The following MACROD2 variants were observed in gnomAD, a reference collection of about 807,000 sequenced individuals.
MACROD2 encodes mono-ADP ribosylhydrolase 2.
Under a neutral mutation model 70.4 loss-of-function variants are expected in MACROD2, and 36 were observed. That is an observed-to-expected ratio of 0.51 (90% confidence interval 0.39 to 0.68). The LOEUF (loss-of-function observed/expected upper bound fraction) is 0.68. Among genes scored for constraint, MACROD2 ranks in the 30% least tolerant of loss-of-function variants. MACROD2 has a pLI of 0.00. For missense variants in MACROD2, 496 were observed against 538.4 expected, an observed-to-expected ratio of 0.92 and a Z score of 0.78; for synonymous variants, 172 against 178.8, an observed-to-expected ratio of 0.96 and a Z score of 0.30.
rs150647313 is a variant in MACROD2, at chr20:14,863,474, A to T, written c.418+178515A>T. ...TCAAATGCTTCTAATTGAATAGTTT[A>T]ACTTAAAAACATGTATCACAAATAC... On this transcript the variant is annotated intron_variant, in intron 5 of 17. Transcript: ENST00000684519. Among the ~76,000 whole-genome samples, 183 of 152,222 alleles carry T rather than the reference A, an allele frequency of 1.2e-3. 1 individual carries two copies. The highest frequency in any genetic ancestry group is 0.01 in the Middle Eastern group (3 of 294).
intron 2 of MACROD2, among the ~76,000 whole-genome samples, chr20:14,008,202 T>C (rs2052849047): frequency 6.6e-6 from 1 of 152,206 alleles, no homozygotes; most frequent in Non-Finnish European, 1.5e-5. Flanking sequence ...GTAGATGACA[T>C]GATCCTACAC....
At chr20:14,250,622 T>C (rs779430209) in intron 3 of MACROD2, among the ~76,000 whole-genome samples, 7 of 152,198 alleles carry the variant, frequency 4.6e-5, no homozygotes, top group Non-Finnish European at 7.4e-5. Flanking sequence ...TCAGGCATTG[T>C]CTGATTCCCT....
intron 8 of MACROD2, among the ~76,000 whole-genome samples, chr20:15,679,958 T>C (rs1268291907): frequency 6.6e-6 from 1 of 152,230 alleles, no homozygotes; most frequent in Non-Finnish European, 1.5e-5. Context: ...ATTATTCTTT[T>C]TTAACCAATG....
At chr20:14,163,592 A>T in intron 3 of MACROD2, among the ~76,000 whole-genome samples, 1 of 151,740 alleles carries the variant, frequency 6.6e-6, no homozygotes, top group East Asian at 1.9e-4. Flanking sequence ...AAATGCAAAT[A>T]TTTGGTCACT....
Position 14,901,220 on chromosome 20 carries a change from TTATTA to T in MACROD2, c.418+216264_418+216268del, listed in dbSNP as rs548594789. Among the ~76,000 whole-genome samples, 56 of 152,194 alleles carry T rather than the reference TTATTA, an allele frequency of 3.7e-4. 1 individual carries two copies. Among genetic ancestry groups the T allele is most frequent in the Middle Eastern group, 3.6e-3 (1 of 280 alleles). On this transcript the variant is annotated intron_variant, in intron 5 of 17. Coordinates refer to ENST00000684519, the MANE Select transcript of MACROD2 (RefSeq NM_001351661.2). ...AACACTATTGCAGCTTTAAAAATAC[TTATTA>T]TAGTACTTAGCATTAGACAAATTGT...
chr20:14,172,695 A>T (rs944990894), intron 3 of MACROD2, among the ~76,000 whole-genome samples: 10 of 151,918 alleles, frequency 6.6e-5, no homozygotes, highest in African/African-American at 2.4e-4. Context: ...ATATTATGCG[A>T]TTTTTTGCCT....
In MACROD2 at chr20:16,021,984, G is replaced by A. The variant is rs542095050; in HGVS notation, c.1154-19217G>A. ...AATTCTGTCCAGAATTATGGGTATT[G>A]TGGTCATTTAGCAAAAAGTAGGTCA... On this transcript the variant is annotated intron_variant, in intron 15 of 17. Transcript: ENST00000684519. Among the ~76,000 whole-genome samples the A allele has an allele frequency of 2.1e-4, 32 of 151,552 alleles. 1 individual carries two copies. In the Middle Eastern group the frequency reaches 0.014, roughly 65 times the overall value.
intron 2 of MACROD2, among the ~76,000 whole-genome samples, chr20:14,062,650 T>C (rs1385311787): frequency 6.6e-6 from 1 of 152,172 alleles, no homozygotes; most frequent in African/African-American, 2.4e-5. Context: ...TTTATTTTAC[T>C]GTTTAACTTA....
chr20:15,187,732 T>C (rs2076543156), intron 5 of MACROD2, among the ~76,000 whole-genome samples: 1 of 152,180 alleles, frequency 6.6e-6, no homozygotes, highest in African/African-American at 2.4e-5. Flanking sequence ...AGCATTTTTA[T>C]CATCATCATT....
chr20:14,365,851 C>A (rs530865219), intron 3 of MACROD2, among the ~76,000 whole-genome samples: 2 of 152,142 alleles, frequency 1.3e-5, no homozygotes, highest in East Asian at 1.9e-4. Flanking sequence ...CTTGTGATTT[C>A]TTTGGCCTAA....
chr20:14,849,753 C>G (rs532592563), intron 5 of MACROD2, among the ~76,000 whole-genome samples: 3 of 152,250 alleles, frequency 2.0e-5, no homozygotes, highest in African/African-American at 7.2e-5. Context: ...TGCACTCCAA[C>G]CTGGGTGGCA....
chr20:15,419,531 C>G (rs409027), intron 6 of MACROD2, among the ~76,000 whole-genome samples: 25,538 of 152,226 alleles, frequency 0.17, 2,357 homozygotes, highest in Non-Finnish European at 0.21. Flanking sequence ...TTCCCGATTC[C>G]TGTGTGCAAG....
At chr20:14,590,469 A>G in intron 4 of MACROD2, among the ~76,000 whole-genome samples, 1 of 152,164 alleles carries the variant, frequency 6.6e-6, no homozygotes, top group Non-Finnish European at 1.5e-5. Flanking sequence ...GACACATTCA[A>G]ACTCCTAGCC....
chr20:14,876,587 T>C (rs567540374), intron 5 of MACROD2, among the ~76,000 whole-genome samples: 2 of 152,286 alleles, frequency 1.3e-5, no homozygotes, highest in South Asian at 2.1e-4. Context: ...TTCTAGGACT[T>C]ATAGTTTGAG....
intron 2 of MACROD2, among the ~76,000 whole-genome samples, chr20:14,066,150 T>G (rs1477753153): frequency 6.6e-6 from 1 of 152,238 alleles, no homozygotes; most frequent in East Asian, 1.9e-4. Context: ...ATTTTCCACT[T>G]AGGTTATACC....
At chr20:14,962,324 A>C (rs2074590556) in intron 5 of MACROD2, among the ~76,000 whole-genome samples, 1 of 151,930 alleles carries the variant, frequency 6.6e-6, no homozygotes, top group South Asian at 2.1e-4. Flanking sequence ...CTAGAGAGAG[A>C]ATCTCACGCT....
At chr20:14,964,684 C>A (rs1237335683) in intron 5 of MACROD2, among the ~76,000 whole-genome samples, 1 of 152,148 alleles carries the variant, frequency 6.6e-6, no homozygotes, top group Non-Finnish European at 1.5e-5. Flanking sequence ...ATAATAGCAG[C>A]AACAATGGAA....
intron 5 of MACROD2, among the ~76,000 whole-genome samples, chr20:14,711,987 C>G (rs1211442407): frequency 6.6e-6 from 1 of 152,092 alleles, no homozygotes; most frequent in Non-Finnish European, 1.5e-5. Flanking sequence ...TTTTTCACAT[C>G]AGAGGTTTAA....
At chr20:14,380,906 T>C (rs1409913496) in intron 3 of MACROD2, among the ~76,000 whole-genome samples, 1 of 152,176 alleles carries the variant, frequency 6.6e-6, no homozygotes, top group African/African-American at 2.4e-5. Context: ...GAATTTACTA[T>C]GTTATGCTTT....
Sources: gnomAD v4.1 joint callset for allele counts (sites outside exome capture counted in the v4.1 genomes callset) on GRCh38, gnomAD v4.1.1 for gene constraint, MANE v1.5 for transcripts, NCBI Gene and HGNC (gene_info 2026-07-23, HGNC 2026-07-21) for gene names.